Variants in MAGEL2 observed in about 807,000 individuals in gnomAD.
The protein encoded by MAGEL2 is MAGE-like protein 2.
For missense variants in MAGEL2, 1,830 were observed against 1,699.2 expected (o/e 1.08, Z -1.35); for synonymous variants, 792 against 721.7 (o/e 1.10, Z -1.56).
Position 23,647,745 on chromosome 15 carries a change from C to G in MAGEL2, c.-3G>C. On this transcript the variant is annotated 5_prime_UTR_variant, in exon 1 of 1. Coordinates refer to ENST00000650528, the MANE Select transcript of MAGEL2 (RefSeq NM_019066.5). ...AGATTCTTACTTAGCTGCGACATGT[C>G]CCTTTGCTGACAGCTGGTGGGTCTT... 6.9e-7 allele frequency: 1 copy of G among 1,446,342 alleles called. No individual in the cohort carries two copies. 89.6% of individuals were successfully genotyped at this position (1,446,342 alleles called of 1,614,324 possible).
chr15:23,646,479 G>C lies in MAGEL2; in HGVS notation c.1264C>G (p.Pro422Ala). 6.9e-7 allele frequency: 1 copy of C among 1,443,344 alleles called. No homozygotes were observed. Among genetic ancestry groups the C allele is most frequent in the Non-Finnish European group, 9.0e-7 (1 of 1,105,848 alleles). 89.4% of individuals were successfully genotyped at this position (1,443,344 alleles called of 1,614,324 possible). The change falls in exon 1 of 1, where the codon CCC becomes GCC. Residue 422 changes from proline to alanine, a missense_variant. Coordinates refer to ENST00000650528, the MANE Select transcript of MAGEL2 (RefSeq NM_019066.5). This position sits in a 1 kb window ranked among gnomAD's most constrained non-coding sequence, Gnocchi z 4.2. The stretch of plus-strand genomic sequence containing the variant: ...ACCGGTGGTGGGCCAGGGCGGATGG[G>C]TGGTGGGCCAGGGCGGATGGGCGGG... ...GPPPIRPGPP[P>A]IRPGPPPVRQ...
rs1382606059 is a variant in MAGEL2, at chr15:23,644,201, T to C, written c.3542A>G (p.Glu1181Gly). 4.3e-6 allele frequency: 7 copies of C among 1,613,942 alleles called. No individual in the cohort carries two copies. Among genetic ancestry groups the C allele is most frequent in the Non-Finnish European group, 5.9e-6 (7 of 1,179,864 alleles). The part of the protein sequence containing the change: ...RIPYTEPAEY[E>G]FLWGPRAFLE... Reference sequence around the variant, plus strand: ...GAATGCTCGAGGGCCCCAGAGGAACTCATACTCTGCGGGCTCAGTGTAAGG... The same window carrying C: ...GAATGCTCGAGGGCCCCAGAGGAACCCATACTCTGCGGGCTCAGTGTAAGG... Residue 1181 changes from glutamate (E) to glycine (G), a missense_variant, in exon 1 of 1, where the codon GAG becomes GGG. Transcript: ENST00000650528.
At position 23,645,940 on chromosome 15, in the gene MAGEL2, T is replaced by C. The variant is rs1355139837; in HGVS notation, c.1803A>G (p.Pro601=). 1.3e-6 allele frequency: 2 copies of C among 1,568,664 alleles called. No homozygotes were observed. Among genetic ancestry groups the C allele is most frequent in the Non-Finnish European group, 1.7e-6 (2 of 1,156,706 alleles). Residue 601 remains proline, a synonymous_variant, in exon 1 of 1, where the codon CCA becomes CCG. Transcript: ENST00000650528. ...GCACCTCCTGGAATTCCATTGACGT[T>C]GGAATCTCGTGTGGCACCGGGGGCT... ...KGQPPVPHEI[P]TSMEFQEVQQ...
rs1890339839 is a variant in MAGEL2 at position 23,644,183 on chromosome 15, C to T, written c.3560G>A (p.Arg1187Gln). 3.7e-6 allele frequency: 6 copies of T among 1,613,816 alleles called. No homozygotes were observed. Among genetic ancestry groups the T allele is most frequent in the Non-Finnish European group, 3.4e-6 (4 of 1,179,838 alleles). The change falls in exon 1 of 1, where the codon CGA (arginine) becomes CAA (glutamine). Residue 1187 changes from arginine (R) to glutamine (Q), a missense_variant. Physicochemically the swap from Arg to Gln is conservative, Grantham distance 43. Transcript: ENST00000650528. ...PAEYEFLWGPRAFLETSKMLV... is the reference protein window; with the variant it reads ...PAEYEFLWGPQAFLETSKMLV... ...CATCTTGCTGGTTTCCAGGAATGCT[C>T]GAGGGCCCCAGAGGAACTCATACTC...
chr15:23,647,758 G>C lies in MAGEL2; in HGVS notation c.-16C>G. 1 of 1,438,828 alleles carries C rather than the reference G, an allele frequency of 7.0e-7. No individual in the cohort carries two copies. The highest frequency in any genetic ancestry group is 9.1e-7 in the Non-Finnish European group (1 of 1,101,332). 89.1% of individuals were successfully genotyped at this position (1,438,828 alleles called of 1,614,324 possible). A position where few individuals can be genotyped will look rare whatever the true frequency, so the allele number is the denominator to read the frequency against. The stretch of plus-strand genomic sequence containing the variant: ...GCTGCGACATGTCCCTTTGCTGACA[G>C]CTGGTGGGTCTTTTCCTCGGACAGC... On this transcript the variant is annotated 5_prime_UTR_variant, in exon 1 of 1. Coordinates refer to ENST00000650528, the MANE Select transcript of MAGEL2 (RefSeq NM_019066.5).
Position 23,646,530 on chromosome 15 carries a change from C to T in MAGEL2, c.1213G>A (p.Val405Met). ...TWQAPAVTWQVPPPMRQGPPP... is the reference protein window; with the variant it reads ...TWQAPAVTWQMPPPMRQGPPP... ...GGCCCCTGGCGCATGGGCGGCGGCA[C>T]CTGCCAGGTAACGGCTGGTGCCTGC... The change falls in exon 1 of 1, where the codon GTG becomes ATG. Residue 405 changes from valine (V) to methionine (M), a missense_variant. Physicochemically the swap from Val to Met is conservative, Grantham distance 21. Transcript: ENST00000650528. The surrounding 1 kb of genome is among the most constrained non-coding windows in gnomAD (Gnocchi z 4.2). 6.8e-7 allele frequency: 1 copy of T among 1,472,016 alleles called. No homozygotes were observed. Among genetic ancestry groups the T allele is most frequent in the South Asian group, 1.4e-5 (1 of 72,322 alleles). 91.2% of individuals were successfully genotyped at this position (1,472,016 alleles called of 1,614,324 possible).
At position 23,647,000 on chromosome 15, in the gene MAGEL2, A is replaced by G. The variant is rs776422534; in HGVS notation, c.743T>C (p.Leu248Pro). ...LMAQPLTPGV[L>P]MVQPAAPGAP... is the part of the protein sequence containing the mutation. ...TCCCGGAGCAGCAGGCTGGACCATC[A>G]GGACTCCCGGAGTCAGAGGCTGGGC... Residue 248 changes from leucine to proline, a missense_variant, in exon 1 of 1, where the codon CTG (leucine) becomes CCG (proline). Physicochemically the swap from Leu to Pro is moderately conservative, Grantham distance 98. Coordinates refer to ENST00000650528, the MANE Select transcript of MAGEL2 (RefSeq NM_019066.5). The surrounding 1 kb of genome is among the most constrained non-coding windows in gnomAD (Gnocchi z 4.2). 3 of 1,536,374 alleles carry G rather than the reference A, an allele frequency of 2.0e-6. No individual in the cohort carries two copies. The highest frequency in any genetic ancestry group is 2.6e-6 in the Non-Finnish European group (3 of 1,146,696).
chr15:23,646,088 G>T lies in MAGEL2; in HGVS notation c.1655C>A (p.Pro552His). 1.4e-6 allele frequency: 2 copies of T among 1,460,824 alleles called. No homozygotes were observed. Among genetic ancestry groups the T allele is most frequent in the Non-Finnish European group, 1.8e-6 (2 of 1,113,044 alleles). The allele number at this position is 1,460,824 out of a possible 1,614,324, so 90.5% of individuals were successfully genotyped here. A position where few individuals can be genotyped will look rare whatever the true frequency, so the allele number is the denominator to read the frequency against. Residue 552 changes from proline to histidine, a missense_variant, in exon 1 of 1, where the codon CCC becomes CAC. Physicochemically the swap from Pro to His is moderately conservative, Grantham distance 77. Coordinates refer to ENST00000650528, the MANE Select transcript of MAGEL2 (RefSeq NM_019066.5). The surrounding 1 kb of genome is among the most constrained non-coding windows in gnomAD (Gnocchi z 4.2). ...CTGCGGGCCAGCGGGCGGCGCCGCGGGTACCTGCGTAGCAGGTGGGGCCGT... is the reference window on the plus strand; with the variant it reads ...CTGCGGGCCAGCGGGCGGCGCCGCGTGTACCTGCGTAGCAGGTGGGGCCGT... ...VPTAPPATQV[P>H]AAPPAGPQVP...
In MAGEL2 at chr15:23,644,842, C is replaced by T; in HGVS notation, c.2901G>A (p.Leu967=). The change falls in exon 1 of 1, where the codon CTG becomes CTA. Residue 967 remains leucine, a synonymous_variant. Coordinates refer to ENST00000650528, the MANE Select transcript of MAGEL2 (RefSeq NM_019066.5). Reference sequence around the variant, plus strand: ...AGGTGCTCGGGCCCTCCCAGGCACTCAGGGCCCAGGATGCGCTGGGCCCTT... The same window carrying T: ...AGGTGCTCGGGCCCTCCCAGGCACTTAGGGCCCAGGATGCGCTGGGCCCTT... ...GWEGPSASWA[L]SAWEGPSTSR... is the part of the protein sequence containing the mutation. The T allele has an allele frequency of 1.2e-6, 2 of 1,612,312 alleles. No individual in the cohort carries two copies. The highest frequency in any genetic ancestry group is 8.5e-7 in the Non-Finnish European group (1 of 1,179,708).
In MAGEL2 at chr15:23,647,075, G is replaced by T. The variant is rs1279570378; in HGVS notation, c.668C>A (p.Pro223His). 1.3e-6 allele frequency: 2 copies of T among 1,534,926 alleles called. No individual in the cohort carries two copies. The highest frequency in any genetic ancestry group is 1.4e-5 in the African/African-American group (1 of 72,900). Residue 223 changes from proline to histidine, a missense_variant, in exon 1 of 1, where the codon CCC becomes CAC. By Grantham distance (77) the Pro-to-His change is moderately conservative. Transcript: ENST00000650528. ...PPPGTPMAHP[P>H]PPGTPMAQPP... ...CTGGGCCATCGGTGTACCCGGAGGG[G>T]GAGGATGAGCCATCGGTGTCCCCGG...
At position 23,645,548 on chromosome 15, in the gene MAGEL2, G is replaced by A. The variant is rs758856945; in HGVS notation, c.2195C>T (p.Ser732Phe). ...CTTCGAGGAGGTCCTGCGCTCTTTA[G>A]AGGAGCCCCTGCGGTCTATAGAAGA... is the stretch of plus-strand genomic sequence containing the variant. ...RASSIDRRGS[S>F]KERRTSSKER... is the part of the protein sequence containing the mutation. The change falls in exon 1 of 1, where the codon TCT (serine) becomes TTT (phenylalanine). Residue 732 changes from serine (S) to phenylalanine (F), a missense_variant. Transcript: ENST00000650528. 1 of 1,613,398 alleles carries A rather than the reference G, an allele frequency of 6.2e-7. No homozygotes were observed. Among genetic ancestry groups the A allele is most frequent in the Admixed American group, 1.7e-5 (1 of 59,954 alleles).
Position 23,643,929 on chromosome 15 carries a change from T to A in MAGEL2, c.*64A>T, listed in dbSNP as rs1217619328. 2 of 1,461,504 alleles carry A rather than the reference T, an allele frequency of 1.4e-6. No individual in the cohort carries two copies. The highest frequency in any genetic ancestry group is 1.6e-5 in the South Asian group (1 of 63,438). The allele number at this position is 1,461,504 out of a possible 1,614,324, so 90.5% of individuals were successfully genotyped here. On this transcript the variant is annotated 3_prime_UTR_variant, in exon 1 of 1. Coordinates refer to ENST00000650528, the MANE Select transcript of MAGEL2 (RefSeq NM_019066.5). ...AACACAAACACCAGGAACAAAAATG[T>A]CCCCCCACCCTGTCAGTGGCCTCTG...
chr15:23,647,588 T>G lies in MAGEL2; in HGVS notation c.155A>C (p.Gln52Pro). ...TGCCTGCCAAGCGGCCAATGAAGCC[T>G]GCAAGTCAATTGGAGGTGGATCCCA... ...VPWDPPPIDL[Q>P]ASLAAWQAPQ... The change falls in exon 1 of 1, where the codon CAG becomes CCG. Residue 52 changes from glutamine (Q) to proline (P), a missense_variant. Coordinates refer to ENST00000650528, the MANE Select transcript of MAGEL2 (RefSeq NM_019066.5). The G allele has an allele frequency of 3.3e-6, 5 of 1,536,504 alleles. No homozygotes were observed. The highest frequency in any genetic ancestry group is 4.4e-6 in the Non-Finnish European group (5 of 1,146,806).
chr15:23,647,284 G>T lies in MAGEL2; in HGVS notation c.459C>A (p.Pro153=), dbSNP rs559833820. 2.0e-6 allele frequency: 3 copies of T among 1,533,910 alleles called. No homozygotes were observed. Among genetic ancestry groups the T allele is most frequent in the Non-Finnish European group, 2.6e-6 (3 of 1,145,666 alleles). Reference sequence around the variant, plus strand: ...GATGGGCCATTGGGGTCCCCGGAGGGGGAGGGTGGGACATTGGGGTCCCCG... The same window carrying T: ...GATGGGCCATTGGGGTCCCCGGAGGTGGAGGGTGGGACATTGGGGTCCCCG... The part of the protein sequence containing the change: ...PPPGTPMSHP[P]PPGTPMAHPP... Residue 153 remains proline (P), a synonymous_variant, in exon 1 of 1, where the codon CCC becomes CCA. Transcript: ENST00000650528.
chr15:23,644,126 T>A lies in MAGEL2; in HGVS notation c.3617A>T (p.Lys1206Met), dbSNP rs763475650. 3.7e-6 allele frequency: 6 copies of A among 1,613,938 alleles called. No homozygotes were observed. In the South Asian group the frequency reaches 6.6e-5, roughly 18 times the overall value. ...GAATGGCCAGCTCTGTGGATCTTTC[T>A]TATGGAGCTTGGCCAAAAACCTCAG... The part of the protein sequence containing the change: ...LVLRFLAKLH[K>M]KDPQSWPFHY... Residue 1206 changes from lysine to methionine, a missense_variant, in exon 1 of 1, where the codon AAG becomes ATG. Transcript: ENST00000650528.
chr15:23,644,210 G>A lies in MAGEL2; in HGVS notation c.3533C>T (p.Ala1178Val). Reference sequence around the variant, plus strand: ...AGGGCCCCAGAGGAACTCATACTCTGCGGGCTCAGTGTAAGGGATTCGCCT... The same window carrying A: ...AGGGCCCCAGAGGAACTCATACTCTACGGGCTCAGTGTAAGGGATTCGCCT... ...EYRRIPYTEP[A>V]EYEFLWGPRA... is the part of the protein sequence containing the mutation. The change falls in exon 1 of 1, where the codon GCA becomes GTA. Residue 1178 changes from alanine (A) to valine (V), a missense_variant. Transcript: ENST00000650528. The A allele has an allele frequency of 6.2e-7, 1 of 1,613,908 alleles. No homozygotes were observed. The highest frequency in any genetic ancestry group is 8.5e-7 in the Non-Finnish European group (1 of 1,179,878).
Position 23,643,875 on chromosome 15 carries a change from A to G in MAGEL2, c.*118T>C. 8.3e-7 allele frequency: 1 copy of G among 1,207,582 alleles called. No homozygotes were observed. The highest frequency in any genetic ancestry group is 1.1e-6 in the Non-Finnish European group (1 of 903,508). 74.8% of individuals were successfully genotyped at this position (1,207,582 alleles called of 1,614,324 possible). Reference sequence around the variant, plus strand: ...CTTTGGCAGATACGAAACCAAGTTGAAAATCCAAACGTACACTCGTGGAAC... The same window carrying G: ...CTTTGGCAGATACGAAACCAAGTTGGAAATCCAAACGTACACTCGTGGAAC... On this transcript the variant is annotated 3_prime_UTR_variant, in exon 1 of 1. Transcript: ENST00000650528.
In MAGEL2 at chr15:23,644,857, G is replaced by T; in HGVS notation, c.2886C>A (p.Ser962Arg). 6.2e-7 allele frequency: 1 copy of T among 1,612,180 alleles called. No homozygotes were observed. Among genetic ancestry groups the T allele is most frequent in the South Asian group, 1.1e-5 (1 of 91,068 alleles). Residue 962 changes from serine to arginine, a missense_variant, in exon 1 of 1, where the codon AGC (serine) becomes AGA (arginine). Transcript: ENST00000650528. Reference protein sequence around the residue: ...SRILSGWEGPSASWALSAWEG... With the variant: ...SRILSGWEGPRASWALSAWEG... The stretch of plus-strand genomic sequence containing the variant: ...CCCAGGCACTCAGGGCCCAGGATGC[G>T]CTGGGCCCTTCCCAGCCACTCAGGA...
chr15:23,646,033 C>G lies in MAGEL2; in HGVS notation c.1710G>C (p.Leu570=), dbSNP rs1038516952. 3 of 1,541,522 alleles carry G rather than the reference C, an allele frequency of 1.9e-6. No individual in the cohort carries two copies. The African/African-American group carries it at 4.1e-5, about 21-fold the overall frequency. The change falls in exon 1 of 1, where the codon CTG becomes CTC. Residue 570 remains leucine (L), a synonymous_variant. Transcript: ENST00000650528. The surrounding 1 kb of genome is among the most constrained non-coding windows in gnomAD (Gnocchi z 4.2). Reference sequence around the variant, plus strand: ...CCTGCGGGGCAGACAGTGGGGCAGACAGCGGGGCCGGCAGCACAGGCTGGG... The same window carrying G: ...CCTGCGGGGCAGACAGTGGGGCAGAGAGCGGGGCCGGCAGCACAGGCTGGG... The part of the protein sequence containing the change: ...QVPQPVLPAP[L]SAPLSAPQAV...
Sources: gnomAD v4.1 joint callset for allele counts on GRCh38, gnomAD v4.1.1 for gene constraint, Gnocchi (gnomAD v3.1) non-coding constraint, MANE v1.5 for transcripts, NCBI Gene and HGNC (gene_info 2026-07-23, HGNC 2026-07-21) for gene names.